Variants in CES5A observed in about 807,000 individuals in gnomAD.
The protein encoded by CES5A is carboxylesterase 5A, also known as carboxylesterase 5.
Under a neutral mutation model 62.9 loss-of-function variants are expected in CES5A, and 67 were observed. The ratio of observed to expected loss-of-function variants is 1.07; its 90% confidence interval spans 0.88 to 1.31. CES5A has a LOEUF of 1.31. CES5A is among the 50% of genes most tolerant of loss of function. The pLI is 0.00. For missense variants in CES5A, 748 were observed against 708.5 expected, an observed-to-expected ratio of 1.06 and a Z score of -0.63; for synonymous variants, 296 against 280.8, an observed-to-expected ratio of 1.05 and a Z score of -0.54.
At position 55,863,818 on chromosome 16, in the gene CES5A, G is replaced by A. The variant is rs564836336; in HGVS notation, c.706-366C>T. 3.3e-5 allele frequency among the ~76,000 whole-genome samples: 5 copies of A among 150,010 alleles called. No individual in the cohort carries two copies. The East Asian group carries it at 7.9e-4, about 24-fold the overall frequency. ...TGTGGCCAGGCTGGAGTGCACTGGCGTGATCTCACCTCACTGCAACCTCCG... is the reference window on the plus strand; with the variant it reads ...TGTGGCCAGGCTGGAGTGCACTGGCATGATCTCACCTCACTGCAACCTCCG... On this transcript the variant is annotated intron_variant, in intron 5 of 12. Coordinates refer to ENST00000290567, the MANE Select transcript of CES5A (RefSeq NM_001143685.2).
intron 10 of CES5A, 118 bp downstream of exon 10, chr16:55,852,763 T>C (rs1380830963): frequency 1.7e-6 from 2 of 1,142,986 alleles, no homozygotes; most frequent in Non-Finnish European, 2.4e-6. Flanking sequence ...CACCTGGAAA[T>C]GCACTTTCCA....
chr16:55,876,550 C>G (rs749082798), upstream of CES5A, among the ~76,000 whole-genome samples: 1 of 152,136 alleles, frequency 6.6e-6, no homozygotes, highest in East Asian at 1.9e-4. Context: ...CCCTGACTCC[C>G]CCTCTTAGAC....
intron 2 of CES5A, among the ~76,000 whole-genome samples, chr16:55,872,684 C>T (rs946570584): frequency 6.6e-6 from 1 of 152,136 alleles, no homozygotes; most frequent in South Asian, 2.1e-4. Flanking sequence ...CCTCCTTGCC[C>T]CTTTGTATGT....
chr16:55,859,496 A>G lies in CES5A; in HGVS notation c.1056+51T>C, dbSNP rs774002733. 14 of 1,584,542 alleles carry G rather than the reference A, an allele frequency of 8.8e-6. No individual in the cohort carries two copies. The South Asian group carries it at 1.6e-4, about 18-fold the overall frequency. ...GGAAATGCCCAGCTGTTGAAGCCAA[A>G]GCTGCATCACGGTTTGAGGGAGTGG... On this transcript the variant is annotated intron_variant, in intron 8 of 12. Coordinates refer to ENST00000290567, the MANE Select transcript of CES5A (RefSeq NM_001143685.2).
At chr16:55,861,273 T>A in intron 7 of CES5A, 139 bp downstream of exon 7, 1 of 620,364 alleles carries the variant, frequency 1.6e-6, no homozygotes, top group Non-Finnish European at 2.9e-6. Flanking sequence ...CCTACTTATT[T>A]TTTTACAGCT....
rs145172097 is a variant in CES5A at position 55,866,087 on chromosome 16, C to G, written c.581G>C (p.Trp194Ser). ...TTWDQHAPGN[W>S]AFKDQVAALS... Reference sequence around the variant, plus strand: ...AGCAGCCACCTGGTCCTTGAAGGCCCAGTTCCCCGGAGCATGCTGATCCCA... The same window carrying G: ...AGCAGCCACCTGGTCCTTGAAGGCCGAGTTCCCCGGAGCATGCTGATCCCA... Residue 194 changes from tryptophan to serine, a missense_variant, in exon 5 of 13, where the codon TGG (tryptophan) becomes TCG (serine). Trp to Ser is a radical substitution (Grantham distance 177, BLOSUM62 -3). Transcript: ENST00000290567. 6.2e-7 allele frequency: 1 copy of G among 1,613,870 alleles called. No individual in the cohort carries two copies. The highest frequency in any genetic ancestry group is 2.2e-5 in the East Asian group (1 of 44,868).
intron 11 of CES5A, among the ~76,000 whole-genome samples, chr16:55,847,967 T>C (rs2033049540): frequency 6.6e-6 from 1 of 152,146 alleles, no homozygotes; most frequent in African/African-American, 2.4e-5. Flanking sequence ...TGGAGTGCAG[T>C]GGCATGATCA....
intron 1 of CES5A, among the ~76,000 whole-genome samples, chr16:55,898,931 G>T (rs957596261): frequency 2.0e-5 from 3 of 152,160 alleles, no homozygotes; most frequent in African/African-American, 7.2e-5. Context: ...TGGAAGTCTT[G>T]GTGGTTACAT....
intron 1 of CES5A, among the ~76,000 whole-genome samples, chr16:55,883,101 G>A (rs1161081959): frequency 6.6e-6 from 1 of 152,192 alleles, no homozygotes; most frequent in Non-Finnish European, 1.5e-5. Flanking sequence ...TGCTCAAGCA[G>A]GGATGCCACA....
At chr16:55,867,244 A>G (rs1597122209) in intron 4 of CES5A, among the ~76,000 whole-genome samples, 1 of 152,084 alleles carries the variant, frequency 6.6e-6, no homozygotes, top group East Asian at 1.9e-4. Flanking sequence ...GGATACATCA[A>G]CTCTTTAATT....
intron 1 of CES5A, among the ~76,000 whole-genome samples, chr16:55,950,177 T>C (rs1220711039): frequency 3.3e-5 from 5 of 152,064 alleles, no homozygotes; most frequent in Non-Finnish European, 1.5e-5. Flanking sequence ...GGAGCACCAA[T>C]GTCCAAGGCA....
At chr16:55,951,865 A>C (rs531198854) in intron 1 of CES5A, among the ~76,000 whole-genome samples, 5 of 152,224 alleles carry the variant, frequency 3.3e-5, no homozygotes, top group Non-Finnish European at 7.4e-5. Context: ...CTTATTATTC[A>C]TCTCTCAGAA....
At chr16:55,925,373 A>G (rs2034248155) in exon 1 of CES5A, 1 of 152,004 alleles carries the variant, frequency 6.6e-6, no homozygotes, top group African/African-American at 2.4e-5. Context: ...GGATGCTGGC[A>G]AGAGTGCAGA....
chr16:55,906,667 G>C (rs2034042869), intron 1 of CES5A, among the ~76,000 whole-genome samples: 1 of 152,202 alleles, frequency 6.6e-6, no homozygotes, highest in African/African-American at 2.4e-5. Context: ...GGAGTGTGCT[G>C]GGGAGTCCCA....
chr16:55,911,629 C>A (rs1396869549), intron 1 of CES5A, among the ~76,000 whole-genome samples: 2 of 152,238 alleles, frequency 1.3e-5, no homozygotes. Context: ...AAACCCAGAT[C>A]TGGCTTATGG....
chr16:55,886,322 C>T (rs1045002705), intron 1 of CES5A, among the ~76,000 whole-genome samples: 1 of 152,164 alleles, frequency 6.6e-6, no homozygotes, highest in African/African-American at 2.4e-5. Flanking sequence ...TGGGAAGTGA[C>T]AGATAGGATC....
At chr16:55,900,410 G>T (rs1337783903) in intron 1 of CES5A, among the ~76,000 whole-genome samples, 1 of 152,204 alleles carries the variant, frequency 6.6e-6, no homozygotes. Flanking sequence ...CATGTGAGGA[G>T]TACATTGGGA....
At chr16:55,951,103 CAAAAAA>C (rs55951124) in intron 1 of CES5A, among the ~76,000 whole-genome samples, 4 of 44,374 alleles carry the variant, frequency 9.0e-5, no homozygotes, top group African/African-American at 3.7e-4. Flanking sequence ...GACTCCATCT[CAAAAAA>C]AAAAAAAAAA....
At chr16:55,939,267 A>C (rs1449669248) in intron 2 of CES5A, among the ~76,000 whole-genome samples, 7 of 152,210 alleles carry the variant, frequency 4.6e-5, no homozygotes, top group African/African-American at 7.2e-5. Flanking sequence ...GCTTTGGGAT[A>C]GAATACATTA....
Sources: gnomAD v4.1 joint callset for allele counts (sites outside exome capture counted in the v4.1 genomes callset) on GRCh38, gnomAD v4.1.1 for gene constraint, MANE v1.5 for transcripts, NCBI Gene and HGNC (gene_info 2026-07-23, HGNC 2026-07-21) for gene names.